NTNG2: variants seen among roughly 807,000 people sequenced by gnomAD.
NTNG2 encodes netrin-G2.
Under a neutral mutation model 47.6 loss-of-function variants are expected in NTNG2, and 15 were observed. That is an observed-to-expected ratio of 0.32 (90% CI 0.21 to 0.49). The LOEUF is 0.49. Ranked by LOEUF, NTNG2 falls within the 20% of genes least tolerant of loss-of-function variation. The probability of loss-of-function intolerance (pLI) is 0.99; values close to 1 mark genes in which losing one functional copy is unlikely to be tolerated. For synonymous variants in NTNG2, 307 were observed against 324.6 expected, an observed-to-expected ratio of 0.95 and a Z score of 0.58; for missense variants, 578 against 764.6, an observed-to-expected ratio of 0.76 and a Z score of 2.88.
chr9:132,213,331 CAAAAAAAAAAAAAAAA>C (rs61393543), intron 3 of NTNG2, among the ~76,000 whole-genome samples: 16 of 104,364 alleles, frequency 1.5e-4, no homozygotes, highest in Admixed American at 3.2e-4. Flanking sequence ...GACTCCATCT[CAAAAAAAAAAAAAAAA>C]AAAAAAAAAA....
rs1359516590 is a variant in NTNG2, at chr9:132,236,827, C to A, written c.1055-2277C>A. On this transcript the variant is annotated intron_variant, in intron 5 of 7. Transcript: ENST00000393229. This position sits in a 1 kb window ranked among gnomAD's most constrained non-coding sequence, Gnocchi z 4.3. The stretch of plus-strand genomic sequence containing the variant: ...CAGCGGGATTCTGGGCAGTGGAAGG[C>A]AGGTGCCGTCCGTGTTCCTGGCTTG... Among the ~76,000 whole-genome samples the A allele has an allele frequency of 6.6e-6, 1 of 152,202 alleles. No homozygotes were observed. Among genetic ancestry groups the A allele is most frequent in the African/African-American group, 2.4e-5 (1 of 41,452 alleles).
intron 2 of NTNG2, among the ~76,000 whole-genome samples, chr9:132,169,404 G>C (rs192608061): frequency 6.6e-6 from 1 of 152,210 alleles, no homozygotes; most frequent in Non-Finnish European, 1.5e-5. Context: ...GGAGGGGGTG[G>C]TTACTTCTAG....
chr9:132,238,713 A>G (rs948827259), intron 5 of NTNG2, among the ~76,000 whole-genome samples: 3 of 152,220 alleles, frequency 2.0e-5, no homozygotes, highest in African/African-American at 4.8e-5. Flanking sequence ...CCCCCAGTGC[A>G]CAGCCAGGTG....
intron 2 of NTNG2, among the ~76,000 whole-genome samples, chr9:132,172,722 ATTTT>A (rs35406789): frequency 5.5e-4 from 46 of 83,480 alleles, no homozygotes; most frequent in African/African-American, 2.1e-3. Context: ...TCAGGGCTGT[ATTTT>A]TTTTTTTTTT....
chr9:132,193,965 C>T (rs1168366821), intron 2 of NTNG2, among the ~76,000 whole-genome samples: 1 of 152,166 alleles, frequency 6.6e-6, no homozygotes, highest in Non-Finnish European at 1.5e-5. Context: ...CATCCGGCAG[C>T]CAAACTTCTT....
intron 2 of NTNG2, among the ~76,000 whole-genome samples, chr9:132,174,588 G>A (rs114026652): frequency 0.011 from 1,697 of 152,254 alleles, 28 homozygotes; most frequent in African/African-American, 0.038. Flanking sequence ...GAGACCAGGC[G>A]TGTGATGACC....
rs541567162 is a variant in NTNG2 at position 132,162,774 on chromosome 9, G to T, written c.-484+535G>T. Among the ~76,000 whole-genome samples the T allele has an allele frequency of 7.9e-5, 12 of 152,026 alleles. No homozygotes were observed. Among genetic ancestry groups the T allele is most frequent in the African/African-American group, 2.7e-4 (11 of 41,450 alleles). On this transcript the variant is annotated intron_variant, in intron 1 of 7. Coordinates refer to ENST00000393229, the MANE Select transcript of NTNG2 (RefSeq NM_032536.4). This position sits in a 1 kb window ranked among gnomAD's most constrained non-coding sequence, Gnocchi z 4.6. ...TCTGCAAACTGGGAGCCTGTGAGTT[G>T]CACAGAGAAACTCCCGGCCAGTCCG...
intron 7 of NTNG2, 68 bp downstream of exon 7, chr9:132,241,112 GC>G: frequency 6.7e-7 from 1 of 1,485,538 alleles, no homozygotes; most frequent in Non-Finnish European, 8.9e-7. Flanking sequence ...GAGGCAGTGG[GC>G]GGGGCCTAGT....
At chr9:132,220,640 G>T (rs988892495) in intron 3 of NTNG2, among the ~76,000 whole-genome samples, 1 of 152,006 alleles carries the variant, frequency 6.6e-6, no homozygotes, top group Non-Finnish European at 1.5e-5. Context: ...TTTTAGTAGA[G>T]ACGGGGTTTC....
At position 132,242,169 on chromosome 9, in the gene NTNG2, C is replaced by A. The variant is rs575489294; in HGVS notation, c.*58C>A. ...GGCCGGGGGTCCCGGGGTCCCGGGG[C>A]GGGGCCGGCGTCCGAGGCCGGGCGG... is the stretch of plus-strand genomic sequence containing the variant. On this transcript the variant is annotated 3_prime_UTR_variant, in exon 8 of 8. Transcript: ENST00000393229. The surrounding 1 kb of genome is among the most constrained non-coding windows in gnomAD (Gnocchi z 5.9). 16 of 888,190 alleles carry A rather than the reference C, an allele frequency of 1.8e-5. No individual in the cohort carries two copies. The highest frequency in any genetic ancestry group is 1.1e-4 in the African/African-American group (6 of 55,716). The allele number at this position is 888,190 out of a possible 1,614,324, so 55.0% of individuals were successfully genotyped here.
At chr9:132,185,772 G>A (rs1479334547) in intron 2 of NTNG2, among the ~76,000 whole-genome samples, 2 of 151,934 alleles carry the variant, frequency 1.3e-5, no homozygotes, top group African/African-American at 2.4e-5. Context: ...GAAGCCCTGA[G>A]TAGGGAGTGG....
rs1341113824 is a variant in NTNG2 at position 132,190,000 on chromosome 9, G to A, written c.214-7966G>A. Among the ~76,000 whole-genome samples the A allele has an allele frequency of 1.9e-4, 28 of 147,880 alleles. 1 individual carries two copies. The highest frequency in any genetic ancestry group is 4.2e-4 in the African/African-American group (17 of 40,782). On this transcript the variant is annotated intron_variant, in intron 2 of 7. Coordinates refer to ENST00000393229, the MANE Select transcript of NTNG2 (RefSeq NM_032536.4). Reference sequence around the variant, plus strand: ...TGTAATCCCAGCACTTTGGGAGGCCGAGGCGGGCGGCTCATGAGGTCAGGA... The same window carrying A: ...TGTAATCCCAGCACTTTGGGAGGCCAAGGCGGGCGGCTCATGAGGTCAGGA...
At position 132,226,806 on chromosome 9, in the gene NTNG2, C is replaced by A; in HGVS notation, c.858-43C>A. 1 of 1,514,156 alleles carries A rather than the reference C, an allele frequency of 6.6e-7. No individual in the cohort carries two copies. The highest frequency in any genetic ancestry group is 8.9e-7 in the Non-Finnish European group (1 of 1,125,986). The allele number at this position is 1,514,156 out of a possible 1,614,324, so 93.8% of individuals were successfully genotyped here. A position where few individuals can be genotyped will look rare whatever the true frequency, so the allele number is the denominator to read the frequency against. On this transcript the variant is annotated intron_variant, in intron 3 of 7. Transcript: ENST00000393229. The surrounding 1 kb of genome is among the most constrained non-coding windows in gnomAD (Gnocchi z 4.8). The stretch of plus-strand genomic sequence containing the variant: ...TTCCCCAGAGGCCAGGCCAGGCTGC[C>A]CACAAGCTCTCTGACATCTCTGCCC...
rs1056134231 is a variant in NTNG2, at chr9:132,243,566, G to GT, written c.*1458dup. 4.5e-4 allele frequency: 69 copies of GT among 152,540 alleles called. No homozygotes were observed. Among genetic ancestry groups the GT allele is most frequent in the African/African-American group, 1.6e-3 (66 of 41,582 alleles). 9.4% of individuals were successfully genotyped at this position (152,540 alleles called of 1,614,324 possible). On this transcript the variant is annotated 3_prime_UTR_variant, in exon 8 of 8. Transcript: ENST00000393229. ...TCGGTCCAGCCTCCTGTCCACCTAT[G>GT]TTTATTTCAGAGCAGTGCCGGGGGT...
intron 2 of NTNG2, among the ~76,000 whole-genome samples, chr9:132,187,327 G>T (rs766356969): frequency 2.0e-5 from 3 of 152,238 alleles, no homozygotes; most frequent in Admixed American, 6.5e-5. Flanking sequence ...CAGAAAAGCC[G>T]CCTTGGCCAG....
intron 3 of NTNG2, among the ~76,000 whole-genome samples, chr9:132,211,941 C>T (rs978665900): frequency 6.6e-6 from 1 of 152,170 alleles, no homozygotes; most frequent in Non-Finnish European, 1.5e-5. Flanking sequence ...GTCAGTCAGT[C>T]ATTCATTTAT....
rs769570116 is a variant in NTNG2, at chr9:132,162,569, AGTGTGTGTGTGTGTGTGTGTGTGTGTGT to A, written c.-484+351_-484+378del. 1.8e-5 allele frequency among the ~76,000 whole-genome samples: 2 copies of A among 112,404 alleles called. No homozygotes were observed. The highest frequency in any genetic ancestry group is 3.5e-5 in the African/African-American group (1 of 28,230). 73.7% of individuals were successfully genotyped at this position (112,404 alleles called of 152,430 possible). ...GTGTGTGTGTGTGAGAGAGAGACAG[AGTGTGTGTGTGTGTGTGTGTGTGTGTGT>A]GTGTGTGTGTGTGTGTGTGTCGGGG... On this transcript the variant is annotated intron_variant, in intron 1 of 7. Transcript: ENST00000393229. This position sits in a 1 kb window ranked among gnomAD's most constrained non-coding sequence, Gnocchi z 4.6.
intron 2 of NTNG2, among the ~76,000 whole-genome samples, chr9:132,187,383 C>G (rs1243064445): frequency 6.6e-6 from 1 of 152,184 alleles, no homozygotes; most frequent in African/African-American, 2.4e-5. Context: ...CGCTGATTCA[C>G]GAGCGGGGAG....
rs957698093 is a variant in NTNG2 at position 132,215,596 on chromosome 9, TA to T, written c.858-11250del. ...TTCCATCTCAAAATAAGTAAATAAA[TA>T]AAGGATAAATATCTGGCAATATGTT... On this transcript the variant is annotated intron_variant, in intron 3 of 7. Transcript: ENST00000393229. This position sits in a 1 kb window ranked among gnomAD's most constrained non-coding sequence, Gnocchi z 4.2. Among the ~76,000 whole-genome samples, 4 of 151,856 alleles carry T rather than the reference TA, an allele frequency of 2.6e-5. No individual in the cohort carries two copies. The highest frequency in any genetic ancestry group is 2.6e-4 in the Admixed American group (4 of 15,258).
Sources: allele counts gnomAD v4.1 joint callset (sites outside exome capture counted in the v4.1 genomes callset), GRCh38; gene constraint gnomAD v4.1.1; non-coding constraint Gnocchi (gnomAD v3.1); transcripts MANE v1.5; gene names NCBI Gene and HGNC (gene_info 2026-07-23, HGNC 2026-07-21).